The following DOCK9 variants were observed in gnomAD, a reference collection of about 807,000 sequenced individuals.
The protein encoded by DOCK9 is dedicator of cytokinesis 9, also known as dedicator of cytokinesis protein 9.
DOCK9 carries 89 observed loss-of-function variants against 263.3 expected under a neutral mutation model. The observed-to-expected ratio is 0.34, with a 90% CI of 0.28 to 0.40. The LOEUF (loss-of-function observed/expected upper bound fraction) is 0.40, where lower values mean the gene tolerates loss of function less well. DOCK9 is among the 10% of genes least tolerant of loss of function. The pLI, the probability that DOCK9 is intolerant of heterozygous loss-of-function variation, is 1.00. For missense variants in DOCK9, 2,140 were observed against 2,603.4 expected, an observed-to-expected ratio of 0.82 and a Z score of 3.87; for synonymous variants, 976 against 973.1, an observed-to-expected ratio of 1.00 and a Z score of -0.06.
intron 1 of DOCK9, among the ~76,000 whole-genome samples, chr13:99,006,409 G>T (rs2141882710): frequency 6.6e-6 from 1 of 152,294 alleles, no homozygotes. Flanking sequence ...GGGTAAAGAT[G>T]TCTTCTGTAA....
intron 1 of DOCK9, among the ~76,000 whole-genome samples, chr13:99,028,289 C>T (rs1269352306): frequency 1.3e-5 from 2 of 152,134 alleles, no homozygotes; most frequent in Non-Finnish European, 2.9e-5. Flanking sequence ...GGGATGCTGC[C>T]TCCCAAAGAG....
chr13:98,967,057 AT>A (rs1281822067), intron 1 of DOCK9, among the ~76,000 whole-genome samples: 1 of 152,218 alleles, frequency 6.6e-6, no homozygotes, highest in Non-Finnish European at 1.5e-5. Context: ...CTACTAGTCC[AT>A]CTACTTTCGT....
At chr13:98,977,748 G>A (rs748004875) in intron 1 of DOCK9, 36 bp downstream of exon 1, 3 of 1,605,124 alleles carry the variant, frequency 1.9e-6, no homozygotes, top group East Asian at 4.5e-5. Flanking sequence ...CCAGCATTGG[G>A]TAGACACAGC....
intron 21 of DOCK9, 35 bp from the exon 22 acceptor site, chr13:98,883,934 G>T: frequency 1.3e-6 from 2 of 1,483,166 alleles, no homozygotes; most frequent in South Asian, 1.2e-5. Flanking sequence ...TATCCCTACA[G>T]ATTAGTTATT....
At chr13:99,033,840 A>T (rs1887592012) in intron 1 of DOCK9, among the ~76,000 whole-genome samples, 2 of 152,186 alleles carry the variant, frequency 1.3e-5, no homozygotes, top group South Asian at 4.1e-4. Flanking sequence ...AGAACCTCAA[A>T]TGCTCCCTAC....
intron 1 of DOCK9, chr13:99,015,298 A>T: frequency 6.9e-6 from 4 of 578,200 alleles, no homozygotes; most frequent in Non-Finnish European, 1.1e-5. Flanking sequence ...CTCACTTCAT[A>T]ATTTAAACTT....
intron 11 of DOCK9, 68 bp downstream of exon 11, chr13:98,902,904 C>T: frequency 2.2e-6 from 3 of 1,376,322 alleles, no homozygotes; most frequent in South Asian, 1.6e-5. Context: ...CCAGGCTGCA[C>T]TGTAAAGGTA....
chr13:99,031,064 A>G (rs1887286211), intron 1 of DOCK9, among the ~76,000 whole-genome samples: 1 of 152,228 alleles, frequency 6.6e-6, no homozygotes, highest in African/African-American at 2.4e-5. Flanking sequence ...TCTCAAAAAA[A>G]AAATTAACAA....
chr13:98,813,800 C>G (rs182488116), intron 45 of DOCK9, among the ~76,000 whole-genome samples: 1 of 151,940 alleles, frequency 6.6e-6, no homozygotes, highest in Non-Finnish European at 1.5e-5. Context: ...CCACCATGCC[C>G]GGCTAATTTT....
intron 1 of DOCK9, among the ~76,000 whole-genome samples, chr13:99,030,813 T>C (rs992115862): frequency 2.0e-5 from 3 of 152,218 alleles, no homozygotes; most frequent in South Asian, 2.1e-4. Flanking sequence ...ATCATTACAA[T>C]GTACAAGTAA....
intron 9 of DOCK9, among the ~76,000 whole-genome samples, chr13:98,907,312 T>C (rs895470576): frequency 6.6e-6 from 1 of 152,246 alleles, no homozygotes; most frequent in African/African-American, 2.4e-5. Flanking sequence ...TACTGTGTTA[T>C]GTTCTCAGAC....
At chr13:98,855,789 GA>G (rs2093693006) in intron 34 of DOCK9, 108 bp downstream of exon 34, 5 of 1,410,902 alleles carry the variant, frequency 3.5e-6, no homozygotes, top group Admixed American at 2.0e-5. Context: ...GGGTGGTTTA[GA>G]AAAAAACAAA....
chr13:99,045,632 TTAAG>T (rs1293778046), intron 1 of DOCK9, among the ~76,000 whole-genome samples: 2 of 152,096 alleles, frequency 1.3e-5, no homozygotes, highest in African/African-American at 4.8e-5. Context: ...ACAGAAAATG[TTAAG>T]TATGTGAAGT....
chr13:98,891,816 G>T lies in DOCK9; in HGVS notation c.1710-3105C>A, dbSNP rs78440537. Among the ~76,000 whole-genome samples, 6 of 147,184 alleles carry T rather than the reference G, an allele frequency of 4.1e-5. No homozygotes were observed. The East Asian group carries it at 5.9e-4, about 14-fold the overall frequency. On this transcript the variant is annotated intron_variant, in intron 15 of 52. Transcript: ENST00000682017. ...TGTAGCACATGGGCTTTTAAAAGTTGTTTTTTTTTTTGCCAGCTTTAAGTT... is the reference window on the plus strand; with the variant it reads ...TGTAGCACATGGGCTTTTAAAAGTTTTTTTTTTTTTTGCCAGCTTTAAGTT...
At chr13:99,063,949 G>C (rs1245256327) in intron 1 of DOCK9, among the ~76,000 whole-genome samples, 2 of 152,092 alleles carry the variant, frequency 1.3e-5, no homozygotes, top group African/African-American at 4.8e-5. Context: ...ACATGAAATG[G>C]AGGCTCAACA....
At chr13:98,970,934 T>C (rs1353837345) in intron 1 of DOCK9, among the ~76,000 whole-genome samples, 3 of 152,172 alleles carry the variant, frequency 2.0e-5, no homozygotes, top group Admixed American at 1.3e-4. Context: ...CTTCTTACAC[T>C]GGGTGGAATT....
chr13:98,802,659 T>A (rs1303116421), intron 49 of DOCK9, among the ~76,000 whole-genome samples: 1 of 151,704 alleles, frequency 6.6e-6, no homozygotes, highest in African/African-American at 2.4e-5. Context: ...GGCTGGAGGG[T>A]GATCATGAGG....
intron 2 of DOCK9, among the ~76,000 whole-genome samples, chr13:98,931,772 A>G (rs1467452625): frequency 6.6e-6 from 1 of 151,824 alleles, no homozygotes; most frequent in Non-Finnish European, 1.5e-5. Flanking sequence ...TAATTTTTGT[A>G]TTTTTAGTAC....
chr13:98,880,132 T>C (rs1325039666), intron 26 of DOCK9, among the ~76,000 whole-genome samples, 163 bp from the exon 27 acceptor site: 2 of 152,012 alleles, frequency 1.3e-5, no homozygotes, highest in East Asian at 1.9e-4. Flanking sequence ...GAATGGCAGA[T>C]GTCTTCTGCT....
Sources: allele counts gnomAD v4.1 joint callset (sites outside exome capture counted in the v4.1 genomes callset), GRCh38; gene constraint gnomAD v4.1.1; transcripts MANE v1.5; gene names NCBI Gene and HGNC (gene_info 2026-07-23, HGNC 2026-07-21).